PDE3A: variants seen among roughly 807,000 people sequenced by gnomAD.
PDE3A encodes phosphodiesterase 3A.
In PDE3A, 43 loss-of-function variants were observed where a neutral mutation model predicts 98.3. The observed-to-expected ratio is 0.44, with a 90% CI of 0.34 to 0.56. The LOEUF is 0.56. Among genes scored for constraint, PDE3A ranks in the 20% least tolerant of loss-of-function variants. The pLI is 0.01. For synonymous variants in PDE3A, 663 were observed against 567.9 expected, an observed-to-expected ratio of 1.17 and a Z score of -2.38; for missense variants, 1,427 against 1,440.7, an observed-to-expected ratio of 0.99 and a Z score of 0.15.
At position 20,431,066 on chromosome 12, in the gene PDE3A, CAGTTT is replaced by C. The variant is rs1591924370; in HGVS notation, c.960+60823_960+60827del. On this transcript the variant is annotated intron_variant, in intron 1 of 15. Coordinates refer to ENST00000359062, the MANE Select transcript of PDE3A (RefSeq NM_000921.5). ...CCTAGTTCTGAGAGAGTATTTCCCT[CAGTTT>C]GTCTCATTTGTGGGAAGAAATATTA... 5.9e-5 allele frequency among the ~76,000 whole-genome samples: 9 copies of C among 152,190 alleles called. No individual in the cohort carries two copies. The East Asian group carries it at 1.5e-3, about 26-fold the overall frequency.
At chr12:20,521,331 A>T (rs1382733831) in intron 1 of PDE3A, among the ~76,000 whole-genome samples, 1 of 152,144 alleles carries the variant, frequency 6.6e-6, no homozygotes, top group African/African-American at 2.4e-5. Context: ...TGGTAACATG[A>T]ATAATAAGAG....
intron 6 of PDE3A, among the ~76,000 whole-genome samples, chr12:20,630,479 A>G (rs1944354309): frequency 6.6e-6 from 1 of 152,158 alleles, no homozygotes; most frequent in Non-Finnish European, 1.5e-5. Flanking sequence ...GAATGTTTGT[A>G]CTTGTTCTCC....
intron 15 of PDE3A, among the ~76,000 whole-genome samples, chr12:20,664,596 A>C (rs1377889127): frequency 1.3e-5 from 2 of 152,162 alleles, no homozygotes; most frequent in African/African-American, 4.8e-5. Context: ...TCATGAGGGC[A>C]GTTTCCCCCA....
At chr12:20,500,327 T>C (rs1475696673) in intron 1 of PDE3A, among the ~76,000 whole-genome samples, 2 of 152,222 alleles carry the variant, frequency 1.3e-5, no homozygotes. Context: ...TAGTGCATTT[T>C]ATCTTACTTG....
rs546119324 is a variant in PDE3A at position 20,653,760 on chromosome 12, A to T, written c.2926-187A>T. ...AGACTTTCTGTATTTCTCCTTGATA[A>T]AAAGCAAAAACCTCAAGTTCAGAAA... On this transcript the variant is annotated intron_variant, in intron 14 of 15. Transcript: ENST00000359062. 3.9e-5 allele frequency among the ~76,000 whole-genome samples: 6 copies of T among 152,340 alleles called. No homozygotes were observed. The South Asian group carries it at 1.2e-3, about 32-fold the overall frequency.
At chr12:20,444,840 T>C (rs144535840) in intron 1 of PDE3A, among the ~76,000 whole-genome samples, 2 of 152,328 alleles carry the variant, frequency 1.3e-5, no homozygotes, top group African/African-American at 4.8e-5. Flanking sequence ...TCAGGCATGG[T>C]AAGAAGACTT....
chr12:20,575,048 A>G (rs1230604223), intron 2 of PDE3A, among the ~76,000 whole-genome samples: 1 of 152,042 alleles, frequency 6.6e-6, no homozygotes, highest in Non-Finnish European at 1.5e-5. Context: ...CTTTGACTAC[A>G]TGAGTAAGAC....
intron 1 of PDE3A, among the ~76,000 whole-genome samples, chr12:20,488,848 T>C (rs1945776807): frequency 6.9e-6 from 1 of 144,404 alleles, no homozygotes; most frequent in Non-Finnish European, 1.5e-5. Flanking sequence ...ACCACTATAC[T>C]GCAGTCTGGG....
In PDE3A at chr12:20,518,806, G is replaced by A. The variant is rs368376712; in HGVS notation, c.961-37854G>A. 9.9e-5 allele frequency among the ~76,000 whole-genome samples: 15 copies of A among 152,210 alleles called. No individual in the cohort carries two copies. In the South Asian group the frequency reaches 1.9e-3, roughly 19 times the overall value. Reference sequence around the variant, plus strand: ...AAGACTTTTATTTAATTCTCCAGACGCAACACTTAGATAGGACTTTCTGTA... The same window carrying A: ...AAGACTTTTATTTAATTCTCCAGACACAACACTTAGATAGGACTTTCTGTA... On this transcript the variant is annotated intron_variant, in intron 1 of 15. Coordinates refer to ENST00000359062, the MANE Select transcript of PDE3A (RefSeq NM_000921.5).
chr12:20,384,018 T>A (rs1175616305), intron 1 of PDE3A, among the ~76,000 whole-genome samples: 1 of 151,956 alleles, frequency 6.6e-6, no homozygotes, highest in Admixed American at 6.6e-5. Context: ...GGGCAGATTT[T>A]AAATATATAT....
At chr12:20,489,437 T>A (rs1436601087) in intron 1 of PDE3A, among the ~76,000 whole-genome samples, 1 of 152,174 alleles carries the variant, frequency 6.6e-6, no homozygotes, top group Non-Finnish European at 1.5e-5. Context: ...CCATTTTGAT[T>A]TAAAAAACAT....
chr12:20,531,491 C>T (rs953994295), intron 1 of PDE3A, among the ~76,000 whole-genome samples: 3 of 152,010 alleles, frequency 2.0e-5, no homozygotes, highest in Admixed American at 6.6e-5. Context: ...GAAGGTACTC[C>T]TCTTGATCTC....
At chr12:20,397,191 G>A (rs897613085) in intron 1 of PDE3A, among the ~76,000 whole-genome samples, 5 of 152,004 alleles carry the variant, frequency 3.3e-5, no homozygotes, top group African/African-American at 1.2e-4. Context: ...GGTTGATACT[G>A]TTGTTCTCAT....
intron 1 of PDE3A, 127 bp downstream of exon 1, chr12:20,370,371 G>T: frequency 9.0e-5 from 53 of 590,262 alleles, no homozygotes; most frequent in Non-Finnish European, 1.0e-4. Context: ...TCTAACTTCA[G>T]AATTAAGAAA....
chr12:20,646,503 C>A lies in PDE3A; in HGVS notation c.2265C>A (p.Ile755=). ...GYRDIPYHNR[I]HATDVLHAVW... ...CACTGGTTACAGATCATAACAGAAT[C>A]CATGCCACTGATGTTTTACATGCTG... Residue 755 remains isoleucine, a synonymous_variant, in exon 11 of 16, where the codon ATC becomes ATA. Coordinates refer to ENST00000359062, the MANE Select transcript of PDE3A (RefSeq NM_000921.5). The A allele has an allele frequency of 1.3e-6, 2 of 1,587,144 alleles. No individual in the cohort carries two copies. Among genetic ancestry groups the A allele is most frequent in the Non-Finnish European group, 1.7e-6 (2 of 1,155,508 alleles).
chr12:20,516,500 G>T (rs1946325814), intron 1 of PDE3A, among the ~76,000 whole-genome samples: 1 of 152,138 alleles, frequency 6.6e-6, no homozygotes, highest in Admixed American at 6.5e-5. Context: ...CTGGCATGTA[G>T]AATACCTATA....
At chr12:20,560,231 T>C (rs1477921846) in intron 2 of PDE3A, among the ~76,000 whole-genome samples, 4 of 152,174 alleles carry the variant, frequency 2.6e-5, no homozygotes, top group Non-Finnish European at 5.9e-5. Flanking sequence ...CTCCAGTAGA[T>C]AGGCTTCCAG....
chr12:20,635,107 T>C (rs1384372675), intron 8 of PDE3A, 51 bp downstream of exon 8: 7 of 1,495,386 alleles, frequency 4.7e-6, no homozygotes, highest in Non-Finnish European at 6.4e-6. Flanking sequence ...TGAGCTTCTG[T>C]TACAGATATT....
At position 20,369,239 on chromosome 12, in the gene PDE3A, G is replaced by T; in HGVS notation, c.-46G>T. The T allele has an allele frequency of 7.1e-7, 1 of 1,414,206 alleles. No individual in the cohort carries two copies. Among genetic ancestry groups the T allele is most frequent in the Non-Finnish European group, 9.4e-7 (1 of 1,061,006 alleles). 87.6% of individuals were successfully genotyped at this position (1,414,206 alleles called of 1,614,324 possible). On this transcript the variant is annotated 5_prime_UTR_variant, in exon 1 of 16. Coordinates refer to ENST00000359062, the MANE Select transcript of PDE3A (RefSeq NM_000921.5). ...CGCGCGCGCGTGGGTCGGGGCGGGG[G>T]CGTCGGGGGGCCACTGGGAATTCAG...
Sources: allele counts gnomAD v4.1 joint callset (sites outside exome capture counted in the v4.1 genomes callset), GRCh38; gene constraint gnomAD v4.1.1; transcripts MANE v1.5; gene names NCBI Gene and HGNC (gene_info 2026-07-23, HGNC 2026-07-21).